ZIC2: variants seen among roughly 807,000 people sequenced by gnomAD.
ZIC2 encodes Zic family zinc finger 2.
In ZIC2, 7 loss-of-function variants were observed where a neutral mutation model predicts 29.5. The observed-to-expected ratio is 0.24, with a 90% confidence interval of 0.14 to 0.45. The LOEUF is 0.45. ZIC2 is among the 20% of genes least tolerant of loss of function. ZIC2 has a pLI of 1.00. For synonymous variants in ZIC2, 408 were observed against 354.2 expected (o/e 1.15, Z -1.70); for missense variants, 589 against 781.2 (o/e 0.75, Z 2.93).
Position 99,985,554 on chromosome 13 carries a change from G to GGCGGCA in ZIC2, c.1479_1484dup (p.Ser495_Gly496dup), listed in dbSNP as rs1023334462. On this transcript the variant is annotated inframe_insertion, in exon 3 of 3. Transcript: ENST00000376335. This position sits in a 1 kb window ranked among gnomAD's most constrained non-coding sequence, Gnocchi z 6.3. ...TGGCGGCGCGGGAGGCGGCTCAGGC[G>GGCGGCA]GCGGCAGCGGCAGTGGCGGGGGCGG... The GGCGGCA allele has an allele frequency of 8.0e-6, 8 of 994,982 alleles. No homozygotes were observed. In the African/African-American group the frequency reaches 1.2e-4, roughly 15 times the overall value. The allele number at this position is 994,982 out of a possible 1,614,324, so 61.6% of individuals were successfully genotyped here. A position where few individuals can be genotyped will look rare whatever the true frequency, so the allele number is the denominator to read the frequency against.
At position 99,981,811 on chromosome 13, in the gene ZIC2, T is replaced by C; in HGVS notation, c.-254T>C. On this transcript the variant is annotated 5_prime_UTR_variant, in exon 1 of 3. Transcript: ENST00000376335. ...ACTCTTCTCCTCCTCCACCTCCTCC[T>C]CCTCCTCCCGCGCCGCCGCCTCCTC... The C allele has an allele frequency of 1.6e-6, 1 of 627,166 alleles. No individual in the cohort carries two copies. Among genetic ancestry groups the C allele is most frequent in the Non-Finnish European group, 2.5e-6 (1 of 402,678 alleles). The allele number at this position is 627,166 out of a possible 1,614,324, so 38.9% of individuals were successfully genotyped here. A position where few individuals can be genotyped will look rare whatever the true frequency, so the allele number is the denominator to read the frequency against.
In ZIC2 at chr13:99,982,286, C is replaced by A; in HGVS notation, c.222C>A (p.Ser74Arg). 1 of 1,491,568 alleles carries A rather than the reference C, an allele frequency of 6.7e-7. No individual in the cohort carries two copies. 92.4% of individuals were successfully genotyped at this position (1,491,568 alleles called of 1,614,324 possible). A position where few individuals can be genotyped will look rare whatever the true frequency, so the allele number is the denominator to read the frequency against. The part of the protein sequence containing the change: ...PGAHELSPGQ[S>R]SAFTSQGPGA... ...CGCACGAGCTGTCCCCGGGCCAGAG[C>A]TCGGCGTTCACGTCGCAGGGCCCCG... is the stretch of plus-strand genomic sequence containing the variant. The change falls in exon 1 of 3, where the codon AGC (serine) becomes AGA (arginine). Residue 74 changes from serine to arginine, a missense_variant. By Grantham distance (110) the Ser-to-Arg change is moderately radical (BLOSUM62 -1). Around this residue, in one of 7 missense-constraint regions of ZIC2, gnomAD observed 358 missense variants for 382.0 expected, o/e 0.94. Transcript: ENST00000376335.
chr13:99,985,339 C>G lies in ZIC2; in HGVS notation c.1256C>G (p.Pro419Arg), dbSNP rs755198296. The change falls in exon 3 of 3, where the codon CCG (proline) becomes CGG (arginine). Residue 419 changes from proline to arginine, a missense_variant. Pro to Arg is a moderately radical substitution (Grantham distance 103, BLOSUM62 -2). This residue lies in a region of ZIC2 where 36 missense variants were observed against 72.9 expected (regional missense o/e 0.49). Transcript: ENST00000376335. The surrounding 1 kb of genome is among the most constrained non-coding windows in gnomAD (Gnocchi z 6.3). ...GTCTTGCAGGTCCATGAGTCCTCCC[C>G]GCAGGGCTCTGAATCCTCCCCGGCC... ...RKHMKVHESSPQGSESSPAAS... is the reference protein window; with the variant it reads ...RKHMKVHESSRQGSESSPAAS... 16 of 1,598,186 alleles carry G rather than the reference C, an allele frequency of 1.0e-5. No individual in the cohort carries two copies. The highest frequency in any genetic ancestry group is 2.2e-5 in the East Asian group (1 of 44,848).
At chr13:99,984,695 A>G (rs1452268209) in intron 1 of ZIC2, 1 of 512,104 alleles carries the variant, frequency 2.0e-6, no homozygotes, top group Non-Finnish European at 3.5e-6. Flanking sequence ...GCTTCCCCAC[A>G]TTCCTGAGAA....
Position 99,985,270 on chromosome 13 carries a change from C to T in ZIC2, c.1240-53C>T. 3.7e-6 allele frequency: 6 copies of T among 1,601,422 alleles called. No individual in the cohort carries two copies. The South Asian group carries it at 5.5e-5, about 15-fold the overall frequency. Reference sequence around the variant, plus strand: ...CCCCAGGGGCCCGGCCCCACAGCAGCTGCACTCACACCCAGTCCCCTCTGG... The same window carrying T: ...CCCCAGGGGCCCGGCCCCACAGCAGTTGCACTCACACCCAGTCCCCTCTGG... On this transcript the variant is annotated intron_variant, in intron 2 of 2. Transcript: ENST00000376335. This position sits in a 1 kb window ranked among gnomAD's most constrained non-coding sequence, Gnocchi z 6.3.
At position 99,982,779 on chromosome 13, in the gene ZIC2, C is replaced by T; in HGVS notation, c.715C>T (p.His239Tyr). 1 of 1,607,452 alleles carries T rather than the reference C, an allele frequency of 6.2e-7. No individual in the cohort carries two copies. The highest frequency in any genetic ancestry group is 8.5e-7 in the Non-Finnish European group (1 of 1,179,938). The part of the protein sequence containing the change: ...AAHHHHHHHH[H>Y]PGAFFRYMRQ... Reference sequence around the variant, plus strand: ...CCACCACCACCACCACCACCACCACCACCCCGGTGCCTTTTTCCGCTATAT... The same window carrying T: ...CCACCACCACCACCACCACCACCACTACCCCGGTGCCTTTTTCCGCTATAT... Residue 239 changes from histidine (H) to tyrosine (Y), a missense_variant, in exon 1 of 3, where the codon CAC (histidine) becomes TAC (tyrosine). His to Tyr is a moderately conservative substitution (Grantham distance 83, BLOSUM62 2). This residue lies in a region of ZIC2 where 358 missense variants were observed against 382.0 expected (regional missense o/e 0.94). Transcript: ENST00000376335.
Position 99,982,139 on chromosome 13 carries a change from C to CGCGGCG in ZIC2, c.87_92dup (p.Ala32_Ala33dup). The CGCGGCG allele has an allele frequency of 3.8e-6, 5 of 1,330,564 alleles. No homozygotes were observed. The highest frequency in any genetic ancestry group is 3.8e-6 in the Non-Finnish European group (4 of 1,045,280). 82.4% of individuals were successfully genotyped at this position (1,330,564 alleles called of 1,614,324 possible). A position where few individuals can be genotyped will look rare whatever the true frequency, so the allele number is the denominator to read the frequency against. The stretch of plus-strand genomic sequence containing the variant: ...TCGCGCGCCACCATCACCACTCCGC[C>CGCGGCG]GCGGCGGCGGCGGCGGCTGCCGCCG... On this transcript the variant is annotated inframe_insertion, in exon 1 of 3. Coordinates refer to ENST00000376335, the MANE Select transcript of ZIC2 (RefSeq NM_007129.5).
chr13:99,982,490 C>A lies in ZIC2; in HGVS notation c.426C>A (p.Gly142=), dbSNP rs1594290673. The A allele has an allele frequency of 1.4e-6, 2 of 1,473,680 alleles. No individual in the cohort carries two copies. Among genetic ancestry groups the A allele is most frequent in the Non-Finnish European group, 1.8e-6 (2 of 1,117,166 alleles). 91.3% of individuals were successfully genotyped at this position (1,473,680 alleles called of 1,614,324 possible). The change falls in exon 1 of 3, where the codon GGC becomes GGA. Residue 142 remains glycine (G), a synonymous_variant. Transcript: ENST00000376335. Reference sequence around the variant, plus strand: ...GGCAGCACGGGCTGTTCGGGCCGGGCGCGGGCGGCCTGCACCACGCGCACT... The same window carrying A: ...GGCAGCACGGGCTGTTCGGGCCGGGAGCGGGCGGCCTGCACCACGCGCACT... ...GGGQHGLFGP[G]AGGLHHAHSD...
Position 99,985,223 on chromosome 13 carries a change from G to A in ZIC2, c.1240-100G>A. 1.9e-6 allele frequency: 3 copies of A among 1,602,064 alleles called. No individual in the cohort carries two copies. Among genetic ancestry groups the A allele is most frequent in the South Asian group, 1.1e-5 (1 of 90,630 alleles). On this transcript the variant is annotated intron_variant, in intron 2 of 2. Transcript: ENST00000376335. This position sits in a 1 kb window ranked among gnomAD's most constrained non-coding sequence, Gnocchi z 6.3. ...TCCCCAGGGGCCAGGGCGGCGGGGG[G>A]AACATTTCTGGGGGTGCTCTCCCCC...
Position 99,985,451 on chromosome 13 carries a change from G to GGCGGCGGCA in ZIC2, c.1377_1385dup (p.Ala468_Ala470dup). The GGCGGCGGCA allele has an allele frequency of 3.5e-6, 5 of 1,408,780 alleles. No individual in the cohort carries two copies. Among genetic ancestry groups the GGCGGCGGCA allele is most frequent in the Admixed American group, 2.7e-5 (1 of 37,708 alleles). The allele number at this position is 1,408,780 out of a possible 1,614,324, so 87.3% of individuals were successfully genotyped here. A position where few individuals can be genotyped will look rare whatever the true frequency, so the allele number is the denominator to read the frequency against. The stretch of plus-strand genomic sequence containing the variant: ...AGAGCAGCTCCAACCTGTCCCCAGC[G>GGCGGCGGCA]GCGGCGGCAGCGGCGGCGGCGGCTG... On this transcript the variant is annotated inframe_insertion, in exon 3 of 3. Coordinates refer to ENST00000376335, the MANE Select transcript of ZIC2 (RefSeq NM_007129.5). This position sits in a 1 kb window ranked among gnomAD's most constrained non-coding sequence, Gnocchi z 6.3.
Position 99,985,132 on chromosome 13 carries a change from G to GAGGGCGAGGC in ZIC2, c.1239+27_1239+36dup, listed in dbSNP as rs1180106765. ...AAGGTACCACCGCGGCGGCCGGGAG[G>GAGGGCGAGGC]AGGGCGAGGCAGGCCGAGGCGCCGG... is the stretch of plus-strand genomic sequence containing the variant. On this transcript the variant is annotated intron_variant, in intron 2 of 2. Transcript: ENST00000376335. The surrounding 1 kb of genome is among the most constrained non-coding windows in gnomAD (Gnocchi z 6.3). The GAGGGCGAGGC allele has an allele frequency of 6.2e-7, 1 of 1,613,890 alleles. No homozygotes were observed. Among genetic ancestry groups the GAGGGCGAGGC allele is most frequent in the East Asian group, 2.2e-5 (1 of 44,876 alleles).
rs763040646 is a variant in ZIC2 at position 99,985,628 on chromosome 13, G to A, written c.1545G>A (p.Gly515=). 1.6e-6 allele frequency: 2 copies of A among 1,243,850 alleles called. No individual in the cohort carries two copies. Among genetic ancestry groups the A allele is most frequent in the Non-Finnish European group, 2.0e-6 (2 of 977,126 alleles). 77.1% of individuals were successfully genotyped at this position (1,243,850 alleles called of 1,614,324 possible). A position where few individuals can be genotyped will look rare whatever the true frequency, so the allele number is the denominator to read the frequency against. Residue 515 remains glycine, a synonymous_variant, in exon 3 of 3, where the codon GGG becomes GGA. Coordinates refer to ENST00000376335, the MANE Select transcript of ZIC2 (RefSeq NM_007129.5). The surrounding 1 kb of genome is among the most constrained non-coding windows in gnomAD (Gnocchi z 6.3). The part of the protein sequence containing the change: ...GGGGSSGGGS[G]TAGGHSGLSS... ...GCGGCAGCTCTGGCGGGGGCAGCGGGACAGCCGGGGGTCACAGCGGCCTCT... is the reference window on the plus strand; with the variant it reads ...GCGGCAGCTCTGGCGGGGGCAGCGGAACAGCCGGGGGTCACAGCGGCCTCT...
Position 99,986,062 on chromosome 13 carries a change from G to A in ZIC2, c.*380G>A, listed in dbSNP as rs2152164242. 1 of 455,788 alleles carries A rather than the reference G, an allele frequency of 2.2e-6. No individual in the cohort carries two copies. The highest frequency in any genetic ancestry group is 2.4e-5 in the Admixed American group (1 of 42,446). 28.2% of individuals were successfully genotyped at this position (455,788 alleles called of 1,614,324 possible). ...GCGGACTCCTCCTTTCTCCTCCGAG[G>A]TGGTTTTAAAGGCTTTTTGGTGTAT... On this transcript the variant is annotated 3_prime_UTR_variant, in exon 3 of 3. Transcript: ENST00000376335.
Position 99,983,382 on chromosome 13 carries a change from T to C in ZIC2, c.1075+243T>C, listed in dbSNP as rs1026533058. On this transcript the variant is annotated intron_variant, in intron 1 of 2. Coordinates refer to ENST00000376335, the MANE Select transcript of ZIC2 (RefSeq NM_007129.5). This position sits in a 1 kb window ranked among gnomAD's most constrained non-coding sequence, Gnocchi z 4.7. ...ATTAGCCTCACATCAAATGTATGCTTGGGTCATGCAATTGCTTCGTTTGCT... is the reference window on the plus strand; with the variant it reads ...ATTAGCCTCACATCAAATGTATGCTCGGGTCATGCAATTGCTTCGTTTGCT... Among the ~76,000 whole-genome samples, 3 of 152,238 alleles carry C rather than the reference T, an allele frequency of 2.0e-5. No individual in the cohort carries two copies. Among genetic ancestry groups the C allele is most frequent in the Admixed American group, 6.5e-5 (1 of 15,288 alleles).
Position 99,986,609 on chromosome 13 carries a change from ATATT to A in ZIC2, c.*931_*934del, listed in dbSNP as rs1240296531. ...GTATTAACTTGCTACAGAGGAAACA[ATATT>A]TATAAAGAATGTTTCTTAACTATAA... On this transcript the variant is annotated 3_prime_UTR_variant, in exon 3 of 3. Coordinates refer to ENST00000376335, the MANE Select transcript of ZIC2 (RefSeq NM_007129.5). The A allele has an allele frequency of 1.3e-5, 2 of 152,916 alleles. No homozygotes were observed. Among genetic ancestry groups the A allele is most frequent in the South Asian group, 2.1e-4 (1 of 4,846 alleles). The allele number at this position is 152,916 out of a possible 1,614,324, so 9.5% of individuals were successfully genotyped here. A position where few individuals can be genotyped will look rare whatever the true frequency, so the allele number is the denominator to read the frequency against.
chr13:99,984,805 G>T (rs1263843237), intron 1 of ZIC2, 141 bp from the exon 2 acceptor site: 2 of 915,158 alleles, frequency 2.2e-6, no homozygotes, highest in African/African-American at 1.6e-5. Flanking sequence ...TAGTTCTGCC[G>T]CAGAGGGGAT....
At chr13:99,984,016 C>T (rs887771075) in intron 1 of ZIC2, among the ~76,000 whole-genome samples, 1 of 152,240 alleles carries the variant, frequency 6.6e-6, no homozygotes, top group Non-Finnish European at 1.5e-5. Flanking sequence ...GCCTATTGTT[C>T]TCTTCCGGGA....
rs1310094808 is a variant in ZIC2, at chr13:99,982,790, C to A, written c.726C>A (p.Ala242=). The change falls in exon 1 of 3, where the codon GCC becomes GCA. Residue 242 remains alanine, a synonymous_variant. Coordinates refer to ENST00000376335, the MANE Select transcript of ZIC2 (RefSeq NM_007129.5). The part of the protein sequence containing the change: ...HHHHHHHHPG[A]FFRYMRQQCI... ...ACCACCACCACCACCACCCCGGTGCCTTTTTCCGCTATATGCGGCAGCAGT... is the reference window on the plus strand; with the variant it reads ...ACCACCACCACCACCACCCCGGTGCATTTTTCCGCTATATGCGGCAGCAGT... 1 of 1,609,362 alleles carries A rather than the reference C, an allele frequency of 6.2e-7. No individual in the cohort carries two copies. Among genetic ancestry groups the A allele is most frequent in the Non-Finnish European group, 8.5e-7 (1 of 1,179,966 alleles).
chr13:99,985,127 G>A lies in ZIC2; in HGVS notation c.1239+18G>A, dbSNP rs139312964. The A allele has an allele frequency of 3.5e-3, 5,669 of 1,613,906 alleles. 178 individuals carry two copies. In the African/African-American group the frequency reaches 0.067, roughly 19 times the overall value. On this transcript the variant is annotated intron_variant, in intron 2 of 2. Transcript: ENST00000376335. The surrounding 1 kb of genome is among the most constrained non-coding windows in gnomAD (Gnocchi z 6.3). Reference sequence around the variant, plus strand: ...ACATGAAGGTACCACCGCGGCGGCCGGGAGGAGGGCGAGGCAGGCCGAGGC... The same window carrying A: ...ACATGAAGGTACCACCGCGGCGGCCAGGAGGAGGGCGAGGCAGGCCGAGGC...
Sources: gnomAD v4.1 joint callset for allele counts (sites outside exome capture counted in the v4.1 genomes callset) on GRCh38, gnomAD v4.1.1 for gene constraint, gnomAD v4.1.1 regional missense constraint, Gnocchi (gnomAD v3.1) non-coding constraint, MANE v1.5 for transcripts, NCBI Gene and HGNC (gene_info 2026-07-23, HGNC 2026-07-21) for gene names.